Variants in LTF observed in about 807,000 individuals in gnomAD.
The protein encoded by LTF is epididymis luminal protein 110.
In LTF, 91 loss-of-function variants were observed where a neutral mutation model predicts 87.2. The ratio of observed to expected loss-of-function variants is 1.04; its 90% CI spans 0.88 to 1.24. The LOEUF is 1.24. Among genes scored for constraint, LTF ranks in the 50% most tolerant of loss-of-function variants. The pLI is 0.00. For synonymous variants in LTF, 378 were observed against 356.1 expected (o/e 1.06, Z -0.69); for missense variants, 901 against 904.3 (o/e 1.00, Z 0.05).
chr3:46,466,386 G>A (rs1703214263), upstream of LTF, among the ~76,000 whole-genome samples: 2 of 152,230 alleles, frequency 1.3e-5, no homozygotes, highest in Admixed American at 1.3e-4. Context: ...AGCTGGTCTT[G>A]ACTCTGCTTA....
At chr3:46,458,524 T>C (rs183713862) in intron 2 of LTF, among the ~76,000 whole-genome samples, 1 of 152,346 alleles carries the variant, frequency 6.6e-6, no homozygotes, top group Non-Finnish European at 1.5e-5. Context: ...GAATAGAGCC[T>C]AGGAATCTGC....
At chr3:46,450,079 C>CA (rs749827053) in intron 7 of LTF, 51 bp from the exon 8 acceptor site, 10 of 1,404,052 alleles carry the variant, frequency 7.1e-6, no homozygotes, top group Middle Eastern at 1.9e-4. Flanking sequence ...AGGGAGGAAA[C>CA]AAAAAAATGA....
intron 1 of LTF, among the ~76,000 whole-genome samples, chr3:46,475,155 C>T (rs1430408578): frequency 6.6e-6 from 1 of 151,904 alleles, no homozygotes; most frequent in East Asian, 1.9e-4. Context: ...ACTAAAAGAT[C>T]TCTACACACA....
chr3:46,439,812 C>A (rs781653820), intron 14 of LTF, among the ~76,000 whole-genome samples: 2,562 of 152,222 alleles, frequency 0.017, 127 homozygotes, highest in Admixed American at 0.12. Context: ...CACGGTGGCT[C>A]ATGCCTGTAA....
exon 2 of LTF, chr3:46,470,410 G>A (rs1219426214): frequency 1.3e-5 from 2 of 152,392 alleles, no homozygotes; most frequent in African/African-American, 2.4e-5. Flanking sequence ...GCATTCTGGA[G>A]GGGACTGCTC....
intron 3 of LTF, 100 bp from the exon 4 acceptor site, chr3:46,456,078 C>T: frequency 8.7e-7 from 1 of 1,148,428 alleles, no homozygotes; most frequent in Non-Finnish European, 1.2e-6. Flanking sequence ...GAATGCTGTG[C>T]TGCAGTTTCC....
chr3:46,439,512 G>C (rs767454053), intron 14 of LTF, 32 bp from the exon 15 acceptor site: 2 of 1,563,588 alleles, frequency 1.3e-6, no homozygotes, highest in Non-Finnish European at 1.7e-6. Context: ...CATCATCCAC[G>C]CCTCCCCTGC....
At chr3:46,472,527 T>TGTGTGTGTGTGAGA (rs1402389714) in intron 1 of LTF, among the ~76,000 whole-genome samples, 4 of 130,826 alleles carry the variant, frequency 3.1e-5, no homozygotes, top group East Asian at 4.6e-4. Context: ...TGTGTGTGTG[T>TGTGTGTGTGTGAGA]GAGAGAGAGA....
chr3:46,441,629 C>T (rs964125041), intron 13 of LTF, 146 bp from the exon 14 acceptor site: 20 of 637,718 alleles, frequency 3.1e-5, no homozygotes, highest in Admixed American at 8.9e-5. Context: ...CTGTTTACAG[C>T]GGCAGATTGA....
At chr3:46,471,944 G>A (rs988141718) in intron 1 of LTF, among the ~76,000 whole-genome samples, 3 of 152,170 alleles carry the variant, frequency 2.0e-5, no homozygotes, top group Non-Finnish European at 4.4e-5. Flanking sequence ...CCACTTTAAG[G>A]CCGAGATGCT....
At chr3:46,444,175 G>A (rs936596037) in intron 12 of LTF, among the ~76,000 whole-genome samples, 2 of 152,022 alleles carry the variant, frequency 1.3e-5, no homozygotes, top group African/African-American at 4.8e-5. Flanking sequence ...CAGAAGCAGG[G>A]ACTGGACTTA....
At chr3:46,457,872 G>A (rs1305305366) in intron 2 of LTF, among the ~76,000 whole-genome samples, 1 of 152,108 alleles carries the variant, frequency 6.6e-6, no homozygotes, top group Non-Finnish European at 1.5e-5. Flanking sequence ...CCACCTCCCG[G>A]GTTAAAGCGA....
In LTF at chr3:46,438,074, G is replaced by A; in HGVS notation, c.1964C>T (p.Ser655Phe). The change falls in exon 16 of 17, where the codon TCT (serine) becomes TTT (phenylalanine). Residue 655 changes from serine to phenylalanine, a missense_variant. Transcript: ENST00000231751. Reference sequence around the variant, plus strand: ...ATTGAACAGAAGGTTTTTGGTTTCAGACTGGAATAAGCAAAACTTGTCCGG... The same window carrying A: ...ATTGAACAGAAGGTTTTTGGTTTCAAACTGGAATAAGCAAAACTTGTCCGG... ...DCPDKFCLFQ[S>F]ETKNLLFNDN... The A allele has an allele frequency of 2.5e-6, 4 of 1,614,066 alleles. No individual in the cohort carries two copies. The highest frequency in any genetic ancestry group is 3.4e-6 in the Non-Finnish European group (4 of 1,179,986).
chr3:46,466,240 C>A (rs1703210509), upstream of LTF, among the ~76,000 whole-genome samples: 1 of 151,060 alleles, frequency 6.6e-6, no homozygotes, highest in Non-Finnish European at 1.5e-5. Context: ...ACTCTGTAAC[C>A]CCCACCAAAA....
chr3:46,440,072 G>A (rs1050602887), intron 14 of LTF, among the ~76,000 whole-genome samples: 2 of 152,250 alleles, frequency 1.3e-5, no homozygotes, highest in Non-Finnish European at 2.9e-5. Flanking sequence ...GAGGATACAA[G>A]CGTTCTAGAG....
exon 1 of LTF, chr3:46,485,003 GC>G (rs1271177517): frequency 6.6e-6 from 1 of 152,292 alleles, no homozygotes; most frequent in African/African-American, 2.4e-5. Context: ...GGGGGAATGA[GC>G]CTTCTTCCAT....
In LTF at chr3:46,446,331, A is replaced by G. The variant is rs572075045; in HGVS notation, c.1357+109T>C. 63 of 819,296 alleles carry G rather than the reference A, an allele frequency of 7.7e-5. No homozygotes were observed. The African/African-American group carries it at 9.7e-4, about 13-fold the overall frequency. 50.8% of individuals were successfully genotyped at this position (819,296 alleles called of 1,614,324 possible). On this transcript the variant is annotated intron_variant, in intron 11 of 16. Transcript: ENST00000231751. Reference sequence around the variant, plus strand: ...TAAAATTATTGCTCCTAGAAGCCCTATAGCTTCTAGGGCTGCAATTCTTTC... The same window carrying G: ...TAAAATTATTGCTCCTAGAAGCCCTGTAGCTTCTAGGGCTGCAATTCTTTC...
intron 1 of LTF, among the ~76,000 whole-genome samples, chr3:46,480,055 G>A (rs1575329871): frequency 1.3e-5 from 2 of 152,150 alleles, no homozygotes; most frequent in East Asian, 3.9e-4. Context: ...TTGAGGAGGA[G>A]GTGGATCAGA....
chr3:46,448,066 T>C (rs1242024285), intron 9 of LTF, among the ~76,000 whole-genome samples: 1 of 152,262 alleles, frequency 6.6e-6, no homozygotes, highest in South Asian at 2.1e-4. Context: ...TGGAAGCATG[T>C]TTAAAAAATG....
Sources: allele counts gnomAD v4.1 joint callset (sites outside exome capture counted in the v4.1 genomes callset), GRCh38; gene constraint gnomAD v4.1.1; transcripts MANE v1.5; gene names NCBI Gene and HGNC (gene_info 2026-07-23, HGNC 2026-07-21).